Variants in RAB6A observed in about 807,000 individuals in gnomAD.
RAB6A encodes the protein ras-related protein Rab-6A.
In RAB6A, 8 loss-of-function variants were observed where a neutral mutation model predicts 32.3. That is an observed-to-expected ratio of 0.25 (90% CI 0.15 to 0.45). RAB6A has a LOEUF of 0.45. RAB6A is among the 20% of genes least tolerant of loss of function. The pLI is 1.00. For missense variants in RAB6A, 104 were observed against 249.4 expected (o/e 0.42, Z 3.93); for synonymous variants, 73 against 82.1 (o/e 0.89, Z 0.60).
rs562864582 is a variant in RAB6A, at chr11:73,713,153, C to T, written c.401+3098G>A. On this transcript the variant is annotated intron_variant, in intron 5 of 7. Transcript: ENST00000336083. ...CCACCACTTCAGTGTGACTACTTGT[C>T]AACAACATTAATAACCTCCAAACTT... Among the ~76,000 whole-genome samples, 8 of 152,332 alleles carry T rather than the reference C, an allele frequency of 5.3e-5. No homozygotes were observed. The South Asian group carries it at 1.7e-3, about 32-fold the overall frequency.
intron 4 of RAB6A, among the ~76,000 whole-genome samples, chr11:73,718,155 C>T (rs755780049): frequency 1.5e-4 from 23 of 152,096 alleles, no homozygotes; most frequent in Non-Finnish European, 2.8e-4. Context: ...CTCTGTCTTC[C>T]TCTACAGAGA....
chr11:73,718,080 T>A (rs1455514342), intron 4 of RAB6A, among the ~76,000 whole-genome samples: 2 of 152,136 alleles, frequency 1.3e-5, no homozygotes. Context: ...AGTAAATAAA[T>A]CAGTCACAGA....
intron 6 of RAB6A, among the ~76,000 whole-genome samples, chr11:73,688,057 C>T (rs891499781): frequency 2.6e-5 from 4 of 152,160 alleles, no homozygotes; most frequent in African/African-American, 4.8e-5. Flanking sequence ...GAATTTTAGC[C>T]ACTTGGTTAA....
intron 1 of RAB6A, among the ~76,000 whole-genome samples, chr11:73,731,582 T>C (rs1477581872): frequency 6.7e-6 from 1 of 149,966 alleles, no homozygotes; most frequent in Admixed American, 6.7e-5. Context: ...AAAAGCTGTT[T>C]TAAAATTCAT....
chr11:73,731,729 T>TATATATAC (rs1946314630), intron 1 of RAB6A, among the ~76,000 whole-genome samples: 3 of 7,542 alleles, frequency 4.0e-4, no homozygotes, highest in Non-Finnish European at 3.0e-4. Flanking sequence ...TATATATATA[T>TATATATAC]ATACACACAC....
intron 1 of RAB6A, chr11:73,760,096 C>G (rs1226435976): frequency 2.0e-5 from 26 of 1,290,676 alleles, no homozygotes; most frequent in Non-Finnish European, 2.6e-5. Flanking sequence ...GGGAAAACAA[C>G]GCCCAGATCC....
intron 2 of RAB6A, among the ~76,000 whole-genome samples, chr11:73,727,703 T>C (rs1436221876): frequency 6.6e-6 from 1 of 152,168 alleles, no homozygotes. Context: ...AAATAAATAC[T>C]TCAAATGTGG....
Position 73,742,886 on chromosome 11 carries a change from G to A in RAB6A, c.71-12063C>T, listed in dbSNP as rs531829214. On this transcript the variant is annotated intron_variant, in intron 1 of 7. Transcript: ENST00000336083. ...TCATTCCAAAACTATTAAATGCTAG[G>A]AAATAAGGAGGTTGGGGGATAAGAA... Among the ~76,000 whole-genome samples the A allele has an allele frequency of 2.2e-4, 33 of 152,008 alleles. 1 individual carries two copies. The highest frequency in any genetic ancestry group is 3.9e-4 in the Admixed American group (6 of 15,238).
intron 6 of RAB6A, among the ~76,000 whole-genome samples, chr11:73,698,726 TTACAC>T (rs1463638015): frequency 6.6e-6 from 1 of 152,096 alleles, no homozygotes; most frequent in Non-Finnish European, 1.5e-5. Flanking sequence ...GGCATAGTAT[TTACAC>T]TATGTGTGCT....
At chr11:73,753,697 C>T (rs1205186581) in intron 1 of RAB6A, among the ~76,000 whole-genome samples, 7 of 151,270 alleles carry the variant, frequency 4.6e-5, no homozygotes, top group Non-Finnish European at 8.8e-5. Flanking sequence ...GGTGACTGAG[C>T]GAGATTCCGT....
intron 5 of RAB6A, among the ~76,000 whole-genome samples, chr11:73,708,407 G>A: frequency 6.6e-6 from 1 of 152,164 alleles, no homozygotes; most frequent in East Asian, 1.9e-4. Flanking sequence ...GACCTCAGGT[G>A]ATCCACCCAT....
chr11:73,688,987 G>T (rs1311831869), intron 6 of RAB6A, among the ~76,000 whole-genome samples: 1 of 152,126 alleles, frequency 6.6e-6, no homozygotes, highest in Non-Finnish European at 1.5e-5. Flanking sequence ...GCCAGGTGTG[G>T]TGGTAGGCTC....
chr11:73,695,050 C>A (rs1478324030), intron 6 of RAB6A, among the ~76,000 whole-genome samples: 2 of 151,870 alleles, frequency 1.3e-5, no homozygotes, highest in African/African-American at 2.4e-5. Flanking sequence ...AAAATATATC[C>A]AAATTTTTTT....
chr11:73,747,436 AC>A (rs35103580), intron 1 of RAB6A, among the ~76,000 whole-genome samples: 50,768 of 140,338 alleles, frequency 0.36, 7,146 homozygotes, highest in African/African-American at 0.46. Context: ...TGTGATCGGA[AC>A]CCCCCCCCGC....
chr11:73,744,802 C>T (rs1301789338), intron 1 of RAB6A, among the ~76,000 whole-genome samples: 1 of 151,698 alleles, frequency 6.6e-6, no homozygotes, highest in African/African-American at 2.4e-5. Flanking sequence ...TGGTGAAACC[C>T]CATCTCTACT....
intron 2 of RAB6A, among the ~76,000 whole-genome samples, chr11:73,724,077 G>A (rs1037813621): frequency 6.6e-6 from 1 of 151,984 alleles, no homozygotes; most frequent in African/African-American, 2.4e-5. Context: ...CCATATAAAC[G>A]CTTATGCATT....
intron 2 of RAB6A, among the ~76,000 whole-genome samples, chr11:73,726,077 G>T (rs1201643763): frequency 6.6e-6 from 1 of 152,054 alleles, no homozygotes; most frequent in African/African-American, 2.4e-5. Flanking sequence ...ACAAGGTCAG[G>T]AGTTTGAGAC....
intron 6 of RAB6A, among the ~76,000 whole-genome samples, chr11:73,696,233 C>T (rs1290078567): frequency 6.6e-6 from 1 of 151,926 alleles, no homozygotes; most frequent in African/African-American, 2.4e-5. Flanking sequence ...ATTTTGTTCT[C>T]ATCACCCAGG....
chr11:73,687,448 TGCTGGGA>T (rs1945477276), intron 6 of RAB6A, among the ~76,000 whole-genome samples: 1 of 152,212 alleles, frequency 6.6e-6, no homozygotes, highest in African/African-American at 2.4e-5. Context: ...CCTCCCAAAA[TGCTGGGA>T]TTTTAGGTGT....
Sources: allele counts gnomAD v4.1 joint callset (sites outside exome capture counted in the v4.1 genomes callset), GRCh38; gene constraint gnomAD v4.1.1; transcripts MANE v1.5; gene names NCBI Gene and HGNC (gene_info 2026-07-23, HGNC 2026-07-21).